CYTH1: variants seen among roughly 807,000 people sequenced by gnomAD.
CYTH1 encodes the protein cytohesin-1.
In CYTH1, 18 loss-of-function variants were observed where a neutral mutation model predicts 61.8. The ratio of observed to expected loss-of-function variants is 0.29; its 90% CI spans 0.20 to 0.43. The LOEUF is 0.43. Ranked by LOEUF, CYTH1 falls within the 20% of genes least tolerant of loss-of-function variation. CYTH1 has a pLI of 1.00. For synonymous variants in CYTH1, 174 were observed against 184.3 expected (o/e 0.94, Z 0.45); for missense variants, 336 against 510.5 (o/e 0.66, Z 3.29).
rs762060933 is a variant in CYTH1 at position 78,692,511 on chromosome 17, A to T, written c.815-18T>A. The T allele has an allele frequency of 5.0e-6, 8 of 1,613,422 alleles. No individual in the cohort carries two copies. Among genetic ancestry groups the T allele is most frequent in the Non-Finnish European group, 5.9e-6 (7 of 1,179,694 alleles). On this transcript the variant is annotated intron_variant, in intron 10 of 13. Transcript: ENST00000446868. ...CCTGCCACCTGCAGAGCAAAAAGAG[A>T]TGCACGTTCGACAAGAGACAACCAG...
intron 3 of CYTH1, among the ~76,000 whole-genome samples, chr17:78,705,631 C>T (rs1453802999): frequency 6.6e-6 from 1 of 152,106 alleles, no homozygotes; most frequent in African/African-American, 2.4e-5. Context: ...AAATGTAATG[C>T]CTGCTTGAGA....
chr17:78,777,474 T>C (rs1311596520), intron 1 of CYTH1, among the ~76,000 whole-genome samples: 1 of 152,098 alleles, frequency 6.6e-6, no homozygotes, highest in Non-Finnish European at 1.5e-5. Context: ...AGTAAAGATA[T>C]ATCCCACACA....
intron 11 of CYTH1, chr17:78,691,637 AG>A (rs2092887502): frequency 6.6e-6 from 1 of 152,198 alleles, no homozygotes. Flanking sequence ...ATGCCATGGG[AG>A]TATGCCCGCT....
chr17:78,708,483 G>C (rs2093092573), intron 2 of CYTH1, among the ~76,000 whole-genome samples: 1 of 152,178 alleles, frequency 6.6e-6, no homozygotes, highest in Admixed American at 6.5e-5. Flanking sequence ...AGGTAGAAAA[G>C]AATACAGCCT....
chr17:78,769,139 A>G (rs2093460672), intron 1 of CYTH1, among the ~76,000 whole-genome samples: 1 of 131,848 alleles, frequency 7.6e-6, no homozygotes. Context: ...GAGCAAGACT[A>G]TGTCTCAAAA....
rs531941627 is a variant in CYTH1, at chr17:78,709,686, G to T, written c.69C>A (p.Ile23=). The T allele has an allele frequency of 3.7e-6, 6 of 1,614,202 alleles. No individual in the cohort carries two copies. In the South Asian group the frequency reaches 6.6e-5, roughly 18 times the overall value. Residue 23 remains isoleucine, a synonymous_variant, in exon 2 of 14, where the codon ATC becomes ATA. Coordinates refer to ENST00000446868, the MANE Select transcript of CYTH1 (RefSeq NM_004762.6). ...TAEERQELEN[I]RRRKQELLAD... ...CCAGCAGCTCCTGTTTTCTCCGTCG[G>T]ATGTTCTCCAGTTCTTGACGCTCCT...
intron 1 of CYTH1, among the ~76,000 whole-genome samples, chr17:78,712,174 GAGGGAGGT>G (rs1280688281): frequency 1.1e-4 from 13 of 114,676 alleles, no homozygotes; most frequent in African/African-American, 1.6e-4. Context: ...GGGAGGGAGG[GAGGGAGGT>G]AGGAGAGAGA....
intron 1 of CYTH1, 66 bp from the exon 2 acceptor site, chr17:78,709,798 A>G (rs1598863476): frequency 1.4e-6 from 2 of 1,403,930 alleles, no homozygotes; most frequent in East Asian, 2.3e-5. Flanking sequence ...GAAGATCCAG[A>G]GGCCACAAAA....
intron 13 of CYTH1, among the ~76,000 whole-genome samples, chr17:78,678,882 G>A (rs1307649209): frequency 6.6e-6 from 1 of 152,254 alleles, no homozygotes; most frequent in Non-Finnish European, 1.5e-5. Flanking sequence ...ACTGCGCTCA[G>A]AGAGACAGAG....
In CYTH1 at chr17:78,692,409, G is replaced by T. The variant is rs2092897476; in HGVS notation, c.891+8C>A. ...CCCTAGTCTGGAGGCCGACTAGCAG[G>T]TGCTCACCGTGGTATACTCAAAGTA... is the stretch of plus-strand genomic sequence containing the variant. On this transcript the variant is annotated splice_region_variant and intron_variant, in intron 11 of 13. Transcript: ENST00000446868. 1.2e-6 allele frequency: 2 copies of T among 1,613,984 alleles called. No homozygotes were observed.
intron 1 of CYTH1, among the ~76,000 whole-genome samples, chr17:78,746,923 GAC>G (rs145210308): frequency 0.012 from 1,882 of 151,948 alleles, 44 homozygotes; most frequent in African/African-American, 0.042. Context: ...CAGTCTTCGT[GAC>G]AGAGTCAGAC....
rs1400158687 is a variant in CYTH1, at chr17:78,736,230, TTCCCAGAAGTTCTGACCAACTGTTA to T, written c.23-26523_23-26499del. On this transcript the variant is annotated intron_variant, in intron 1 of 13. Transcript: ENST00000446868. ...AGATTCTTTCTGGATATTTGTGGAA[TTCCCAGAAGTTCTGACCAACTGTTA>T]TTTTGATACAGGAAGTAGACACAAT... 5.9e-5 allele frequency among the ~76,000 whole-genome samples: 9 copies of T among 152,366 alleles called. 1 individual carries two copies. The highest frequency in any genetic ancestry group is 1.7e-4 in the African/African-American group (7 of 41,584).
intron 1 of CYTH1, among the ~76,000 whole-genome samples, chr17:78,781,551 C>G (rs1284942627): frequency 6.6e-6 from 1 of 152,078 alleles, no homozygotes; most frequent in East Asian, 1.9e-4. Context: ...GGCGGCGACG[C>G]ACCGGACCGG....
At chr17:78,697,014 A>T (rs148209467) in intron 9 of CYTH1, among the ~76,000 whole-genome samples, 94 of 152,374 alleles carry the variant, frequency 6.2e-4, no homozygotes, top group South Asian at 3.1e-3. Context: ...TTCAAGAGAT[A>T]TTTAAAACTG....
chr17:78,698,509 G>C, intron 8 of CYTH1, 129 bp from the exon 9 acceptor site: 1 of 751,586 alleles, frequency 1.3e-6, no homozygotes, highest in Non-Finnish European at 2.2e-6. Context: ...GCTGAGACTA[G>C]AAGATTATGA....
intron 1 of CYTH1, among the ~76,000 whole-genome samples, chr17:78,756,849 C>T (rs1383155957): frequency 1.3e-5 from 2 of 151,662 alleles, no homozygotes; most frequent in African/African-American, 4.8e-5. Context: ...CCTTCATAAT[C>T]ACCAGGAGAC....
rs569450637 is a variant in CYTH1 at position 78,776,923 on chromosome 17, C to T, written c.22+5279G>A. The stretch of plus-strand genomic sequence containing the variant: ...GGGGGATCACCTGAGGTCGGGAGTT[C>T]GAGACCAGCCTGACCAACATGGAGA... On this transcript the variant is annotated intron_variant, in intron 1 of 13. Transcript: ENST00000446868. Among the ~76,000 whole-genome samples the T allele has an allele frequency of 7.9e-4, 118 of 149,526 alleles. 2 individuals carry two copies. The highest frequency in any genetic ancestry group is 2.7e-3 in the African/African-American group (110 of 40,566).
rs1254882793 is a variant in CYTH1, at chr17:78,698,336, T to C, written c.744A>G (p.Glu248=). The change falls in exon 9 of 14, where the codon GAA becomes GAG. Residue 248 remains glutamate (E), a synonymous_variant. Coordinates refer to ENST00000446868, the MANE Select transcript of CYTH1 (RefSeq NM_004762.6). ...SIKNEPFKIP[E]DDGNDLTHTF... is the part of the protein sequence containing the mutation. ...TGTGAGTGAGGTCATTCCCGTCGTC[T>C]TCTGGGATTTTAAAGGGTTCATTTT... The C allele has an allele frequency of 3.7e-6, 6 of 1,613,262 alleles. No homozygotes were observed. The highest frequency in any genetic ancestry group is 5.1e-6 in the Non-Finnish European group (6 of 1,179,806).
intron 1 of CYTH1, among the ~76,000 whole-genome samples, chr17:78,761,670 G>A (rs1014954240): frequency 9.9e-5 from 15 of 152,098 alleles, no homozygotes; most frequent in Admixed American, 1.3e-4. Flanking sequence ...CCCGGGAGGC[G>A]GAGCTTGCAG....
Sources: allele counts gnomAD v4.1 joint callset (sites outside exome capture counted in the v4.1 genomes callset), GRCh38; gene constraint gnomAD v4.1.1; transcripts MANE v1.5; gene names NCBI Gene and HGNC (gene_info 2026-07-23, HGNC 2026-07-21).